The following PLXNA2 variants were observed in gnomAD, a reference collection of about 807,000 sequenced individuals.
The protein encoded by PLXNA2 is plexin-A2.
PLXNA2 carries 91 observed loss-of-function variants against 193.5 expected under a neutral mutation model. The observed-to-expected ratio is 0.47, with a 90% CI of 0.40 to 0.56. PLXNA2 has a LOEUF of 0.56. Ranked by LOEUF, PLXNA2 falls within the 20% of genes least tolerant of loss-of-function variation. PLXNA2 has a pLI of 0.00. For synonymous variants in PLXNA2, 997 were observed against 1,027.3 expected (o/e 0.97, Z 0.56); for missense variants, 1,995 against 2,503.2 (o/e 0.80, Z 4.33).
chr1:208,240,605 G>A (rs942939284), intron 1 of PLXNA2, among the ~76,000 whole-genome samples: 9 of 152,046 alleles, frequency 5.9e-5, no homozygotes, highest in East Asian at 5.8e-4. Flanking sequence ...TGGGTGGGGC[G>A]GTGGTGATTG....
At chr1:208,243,473 G>A (rs1672129009) in intron 1 of PLXNA2, among the ~76,000 whole-genome samples, 170 bp downstream of exon 1, 2 of 152,026 alleles carry the variant, frequency 1.3e-5, no homozygotes, top group South Asian at 4.1e-4. Context: ...TCCAGCCCGC[G>A]AAAGTGGCCG....
intron 3 of PLXNA2, among the ~76,000 whole-genome samples, chr1:208,154,353 C>A (rs1244754163): frequency 6.6e-6 from 1 of 152,166 alleles, no homozygotes; most frequent in Admixed American, 6.5e-5. Flanking sequence ...CTCAGAATAT[C>A]CAGTGGGCTC....
intron 6 of PLXNA2, among the ~76,000 whole-genome samples, chr1:208,098,458 TCACACACACA>T (rs56677339): frequency 2.4e-5 from 3 of 123,428 alleles, no homozygotes; most frequent in African/African-American, 6.4e-5. Context: ...TCTCTCTCTC[TCACACACACA>T]CACACACACA....
At chr1:208,206,766 GT>G (rs896776741) in intron 3 of PLXNA2, among the ~76,000 whole-genome samples, 6,400 of 116,706 alleles carry the variant, frequency 0.055, 94 homozygotes, top group East Asian at 0.13. Context: ...GCACATATAG[GT>G]TTTTTTTTTT....
chr1:208,032,837 C>T (rs1664544771), intron 28 of PLXNA2, among the ~76,000 whole-genome samples: 1 of 152,152 alleles, frequency 6.6e-6, no homozygotes, highest in Non-Finnish European at 1.5e-5. Flanking sequence ...CAACTAATAT[C>T]AGCAAGAAAC....
rs1349790071 is a variant in PLXNA2, at chr1:208,029,497, C to T, written c.5226-455G>A. 29 of 1,001,742 alleles carry T rather than the reference C, an allele frequency of 2.9e-5. No individual in the cohort carries two copies. In the Admixed American group the frequency reaches 1.5e-3, roughly 53 times the overall value. 62.1% of individuals were successfully genotyped at this position (1,001,742 alleles called of 1,614,324 possible). A position where few individuals can be genotyped will look rare whatever the true frequency, so the allele number is the denominator to read the frequency against. On this transcript the variant is annotated intron_variant, in intron 29 of 31. Coordinates refer to ENST00000367033, the MANE Select transcript of PLXNA2 (RefSeq NM_025179.4). ...AGCCTCGGAGCAGGCACAAAGGGCG[C>T]CACCTGCGCTCCCCGCCCAGCCCGG...
At chr1:208,141,484 C>T (rs964378082) in intron 4 of PLXNA2, among the ~76,000 whole-genome samples, 1 of 152,172 alleles carries the variant, frequency 6.6e-6, no homozygotes, top group African/African-American at 2.4e-5. Context: ...GACAGACTGG[C>T]AATCCTTTTC....
chr1:208,126,533 A>G (rs11585972), intron 4 of PLXNA2, among the ~76,000 whole-genome samples: 82,331 of 152,072 alleles, frequency 0.54, 22,639 homozygotes, highest in African/African-American at 0.57. Context: ...CACTATGCTC[A>G]TGAAGCATCT....
rs531088769 is a variant in PLXNA2, at chr1:208,071,527, T to C, written c.2586+7733A>G. Among the ~76,000 whole-genome samples, 55 of 152,256 alleles carry C rather than the reference T, an allele frequency of 3.6e-4. No individual in the cohort carries two copies. In the South Asian group the frequency reaches 0.011, roughly 30 times the overall value. ...CACTTGAAGTGTATGTGTGTGTGTC[T>C]GTGTGTGTGTGCCTGTGTCTGCACT... On this transcript the variant is annotated intron_variant, in intron 12 of 31. Transcript: ENST00000367033.
chr1:208,206,919 A>G (rs966050082), intron 3 of PLXNA2, among the ~76,000 whole-genome samples: 6 of 152,050 alleles, frequency 3.9e-5, no homozygotes, highest in African/African-American at 1.4e-4. Flanking sequence ...GCATGCCACC[A>G]TGCCCTGCTG....
At chr1:208,230,022 T>C (rs1671638410) in intron 1 of PLXNA2, among the ~76,000 whole-genome samples, 1 of 152,208 alleles carries the variant, frequency 6.6e-6, no homozygotes, top group South Asian at 2.1e-4. Flanking sequence ...GGAGCCTCGC[T>C]TTCCTCAGCT....
chr1:208,143,235 G>A (rs571333851), intron 3 of PLXNA2, among the ~76,000 whole-genome samples: 7 of 152,296 alleles, frequency 4.6e-5, no homozygotes, highest in Non-Finnish European at 5.9e-5. Context: ...AAAGCTCCCC[G>A]GGTGAATTTA....
rs1665054056 is a variant in PLXNA2, at chr1:208,046,111, T to C, written c.3262A>G (p.Lys1088Glu). Residue 1088 changes from lysine to glutamate, a missense_variant, in exon 18 of 32, where the codon AAA (lysine) becomes GAA (glutamate). This residue lies in a region of PLXNA2 where 1,291 missense variants were observed against 1,673.6 expected (regional missense o/e 0.77). Transcript: ENST00000367033. ...FNGKESVNVC[K>E]VVNTTTLTCL... ...GTGAGGGTGGTTGTGTTCACAACTT[T>C]ACACACCTAAGAGATCCAGAGCGCA... 3 of 1,613,822 alleles carry C rather than the reference T, an allele frequency of 1.9e-6. No individual in the cohort carries two copies. Among genetic ancestry groups the C allele is most frequent in the Non-Finnish European group, 2.5e-6 (3 of 1,179,838 alleles).
intron 8 of PLXNA2, among the ~76,000 whole-genome samples, chr1:208,095,827 C>A (rs555628888): frequency 6.6e-6 from 1 of 152,230 alleles, no homozygotes; most frequent in African/African-American, 2.4e-5. Flanking sequence ...GATTCAGAGA[C>A]TATAGAGAGT....
At position 208,044,067 on chromosome 1, in the gene PLXNA2, C is replaced by T. The variant is rs1664969748; in HGVS notation, c.3874+441G>A. Reference sequence around the variant, plus strand: ...GCCTGCAGCACTGATGGAAAACAAACCCTGGGGGAGATGAGGCAGGTGCTT... The same window carrying T: ...GCCTGCAGCACTGATGGAAAACAAATCCTGGGGGAGATGAGGCAGGTGCTT... On this transcript the variant is annotated intron_variant, in intron 20 of 31. Coordinates refer to ENST00000367033, the MANE Select transcript of PLXNA2 (RefSeq NM_025179.4). The surrounding 1 kb of genome is among the most constrained non-coding windows in gnomAD (Gnocchi z 4.9). Among the ~76,000 whole-genome samples the T allele has an allele frequency of 6.6e-6, 1 of 152,196 alleles. No individual in the cohort carries two copies. Among genetic ancestry groups the T allele is most frequent in the Non-Finnish European group, 1.5e-5 (1 of 68,040 alleles).
rs1364404334 is a variant in PLXNA2 at position 208,143,524 on chromosome 1, C to A, written c.1372-1061G>T. ...CTAAGGTCATACAAAAAGTTGGTGG[C>A]AAGGAGCCCTTGGTCTGAATGTGCC... On this transcript the variant is annotated intron_variant, in intron 3 of 31. Coordinates refer to ENST00000367033, the MANE Select transcript of PLXNA2 (RefSeq NM_025179.4). Among the ~76,000 whole-genome samples the A allele has an allele frequency of 2.6e-5, 4 of 152,306 alleles. No homozygotes were observed. In the South Asian group the frequency reaches 8.3e-4, roughly 32 times the overall value.
chr1:208,118,154 G>C (rs970919671), intron 4 of PLXNA2, among the ~76,000 whole-genome samples: 7 of 152,214 alleles, frequency 4.6e-5, no homozygotes, highest in Non-Finnish European at 8.8e-5. Context: ...CACAAGAAGT[G>C]AGAGCTTCAG....
intron 4 of PLXNA2, among the ~76,000 whole-genome samples, chr1:208,131,711 A>C (rs897115480): frequency 2.0e-5 from 3 of 152,202 alleles, no homozygotes; most frequent in African/African-American, 4.8e-5. Context: ...TCAATGCCTC[A>C]CATGTGTTCT....
rs768276198 is a variant in PLXNA2 at position 208,082,392 on chromosome 1, AC to A, written c.2395+19del. ...GGGGTCGTGAAAAGATCAAACTTCT[AC>A]CCGGAAGTAGCCGCTTACCTTTCAG... On this transcript the variant is annotated intron_variant, in intron 11 of 31. Transcript: ENST00000367033. This position sits in a 1 kb window ranked among gnomAD's most constrained non-coding sequence, Gnocchi z 4.2. The A allele has an allele frequency of 6.2e-7, 1 of 1,601,898 alleles. No homozygotes were observed. Among genetic ancestry groups the A allele is most frequent in the South Asian group, 1.1e-5 (1 of 90,494 alleles).
Sources: allele counts gnomAD v4.1 joint callset (sites outside exome capture counted in the v4.1 genomes callset), GRCh38; gene constraint gnomAD v4.1.1; regional missense constraint gnomAD v4.1.1; non-coding constraint Gnocchi (gnomAD v3.1); transcripts MANE v1.5; gene names NCBI Gene and HGNC (gene_info 2026-07-23, HGNC 2026-07-21).